Variants in MAP3K4 observed in about 807,000 individuals in gnomAD.
MAP3K4 encodes mitogen-activated protein kinase kinase kinase 4.
MAP3K4 carries 67 observed loss-of-function variants against 185.6 expected under a neutral mutation model. The observed-to-expected ratio is 0.36, with a 90% CI of 0.30 to 0.44. The LOEUF (loss-of-function observed/expected upper bound fraction) is 0.44. Among genes scored for constraint, MAP3K4 ranks in the 20% least tolerant of loss-of-function variants. MAP3K4 has a pLI of 1.00. For missense variants in MAP3K4, 1,551 were observed against 1,995.1 expected (o/e 0.78, Z 4.24); for synonymous variants, 702 against 710.4 (o/e 0.99, Z 0.19).
At chr6:161,003,043 CAT>C (rs1781402251) in intron 1 of MAP3K4, among the ~76,000 whole-genome samples, 1 of 151,516 alleles carries the variant, frequency 6.6e-6, no homozygotes, top group Admixed American at 6.6e-5. Context: ...CATGATATAA[CAT>C]ATGGTTTGTG....
chr6:161,072,307 A>G (rs1420783644), intron 4 of MAP3K4, among the ~76,000 whole-genome samples: 2 of 152,230 alleles, frequency 1.3e-5, no homozygotes, highest in African/African-American at 4.8e-5. Context: ...TCAAAATCAA[A>G]AATAATTGTA....
In MAP3K4 at chr6:161,108,687, A is replaced by G. The variant is rs899892537; in HGVS notation, c.4120-56A>G. The G allele has an allele frequency of 8.4e-6, 8 of 953,192 alleles. No homozygotes were observed. The highest frequency in any genetic ancestry group is 1.6e-5 in the African/African-American group (1 of 62,168). 59.0% of individuals were successfully genotyped at this position (953,192 alleles called of 1,614,324 possible). On this transcript the variant is annotated intron_variant, in intron 21 of 26. Coordinates refer to ENST00000392142, the MANE Select transcript of MAP3K4 (RefSeq NM_005922.4). This position sits in a 1 kb window ranked among gnomAD's most constrained non-coding sequence, Gnocchi z 5.7. ...CAAAATGATGTTTCAGTGTATGTGT[A>G]TAATGTAGAGTGATTAAATCAAGCC... is the stretch of plus-strand genomic sequence containing the variant.
At chr6:161,065,394 A>T (rs1378662862) in intron 3 of MAP3K4, among the ~76,000 whole-genome samples, 1 of 152,212 alleles carries the variant, frequency 6.6e-6, no homozygotes, top group African/African-American at 2.4e-5. Context: ...GATAACAGAT[A>T]TGTGTTCCTG....
intron 3 of MAP3K4, among the ~76,000 whole-genome samples, chr6:161,062,354 T>TC (rs1784520693): frequency 6.6e-6 from 1 of 152,192 alleles, no homozygotes; most frequent in South Asian, 2.1e-4. Flanking sequence ...CAGTACTTTC[T>TC]CCCCCATAGC....
intron 10 of MAP3K4, among the ~76,000 whole-genome samples, 176 bp from the exon 11 acceptor site, chr6:161,089,146 T>C (rs1020079415): frequency 1.3e-5 from 2 of 152,196 alleles, no homozygotes; most frequent in African/African-American, 4.8e-5. Flanking sequence ...CAGCTGTCAA[T>C]GCCCACTGAA....
At position 161,080,604 on chromosome 6, in the gene MAP3K4, C is replaced by G; in HGVS notation, c.2098-277C>G. ...GGTACTGTTCTTTTGATTTTTTCCC[C>G]TTTATTGTAGATTGTGAACATTTTT... On this transcript the variant is annotated intron_variant, in intron 5 of 26. Transcript: ENST00000392142. This position sits in a 1 kb window ranked among gnomAD's most constrained non-coding sequence, Gnocchi z 4.8. 1 of 374,996 alleles carries G rather than the reference C, an allele frequency of 2.7e-6. No individual in the cohort carries two copies. The highest frequency in any genetic ancestry group is 4.9e-6 in the Non-Finnish European group (1 of 203,518). The allele number at this position is 374,996 out of a possible 1,614,324, so 23.2% of individuals were successfully genotyped here. A position where few individuals can be genotyped will look rare whatever the true frequency, so the allele number is the denominator to read the frequency against.
In MAP3K4 at chr6:161,086,692, G is replaced by T; in HGVS notation, c.2556+25G>T. The T allele has an allele frequency of 6.4e-7, 1 of 1,574,154 alleles. No individual in the cohort carries two copies. The highest frequency in any genetic ancestry group is 1.2e-5 in the South Asian group (1 of 86,660). ...GGTAAGTACTTCAAATGTTGTGATT[G>T]AAACATTTTGCCTTTCCTTCTTTAT... On this transcript the variant is annotated intron_variant, in intron 9 of 26. Transcript: ENST00000392142. The surrounding 1 kb of genome is among the most constrained non-coding windows in gnomAD (Gnocchi z 4.8).
intron 1 of MAP3K4, among the ~76,000 whole-genome samples, chr6:161,027,248 T>G (rs189211790): frequency 1.3e-5 from 2 of 152,336 alleles, no homozygotes; most frequent in African/African-American, 4.8e-5. Context: ...CCAATTGAAC[T>G]ATATACTTAA....
rs764946166 is a variant in MAP3K4, at chr6:161,108,979, A to C, written c.4236+120A>C. ...ACAGTAACTTTGCCTAATTCTCAGGAAATCTCCATGAGTTACATCATTTCT... is the reference window on the plus strand; with the variant it reads ...ACAGTAACTTTGCCTAATTCTCAGGCAATCTCCATGAGTTACATCATTTCT... On this transcript the variant is annotated intron_variant, in intron 22 of 26. Coordinates refer to ENST00000392142, the MANE Select transcript of MAP3K4 (RefSeq NM_005922.4). The surrounding 1 kb of genome is among the most constrained non-coding windows in gnomAD (Gnocchi z 5.7). 2 of 1,608,162 alleles carry C rather than the reference A, an allele frequency of 1.2e-6. No individual in the cohort carries two copies. Among genetic ancestry groups the C allele is most frequent in the Non-Finnish European group, 1.7e-6 (2 of 1,178,834 alleles).
chr6:161,104,739 A>T (rs1777990783), intron 19 of MAP3K4, among the ~76,000 whole-genome samples: 1 of 150,864 alleles, frequency 6.6e-6, no homozygotes, highest in Admixed American at 6.6e-5. Flanking sequence ...ATCTTGAGAA[A>T]TTTTTTTTTA....
In MAP3K4 at chr6:161,098,640, G is replaced by A. The variant is rs1370404654; in HGVS notation, c.3674+213G>A. ...ACTGTCTGATGTCAGTATTTCTTTG[G>A]AGCTGATATTAGCCAAAATGACTAA... On this transcript the variant is annotated intron_variant, in intron 17 of 26. Transcript: ENST00000392142. The surrounding 1 kb of genome is among the most constrained non-coding windows in gnomAD (Gnocchi z 4.4). Among the ~76,000 whole-genome samples, 1 of 152,160 alleles carries A rather than the reference G, an allele frequency of 6.6e-6. No individual in the cohort carries two copies. The highest frequency in any genetic ancestry group is 6.5e-5 in the Admixed American group (1 of 15,280).
At chr6:160,999,882 A>G (rs1205412537) in intron 1 of MAP3K4, among the ~76,000 whole-genome samples, 2 of 152,250 alleles carry the variant, frequency 1.3e-5, no homozygotes, top group African/African-American at 4.8e-5. Flanking sequence ...AATAGAAAAT[A>G]TGAAATCCTC....
chr6:161,048,810 C>G lies in MAP3K4; in HGVS notation c.538C>G (p.Pro180Ala), dbSNP rs762126398. The G allele has an allele frequency of 4.3e-6, 7 of 1,614,002 alleles. No individual in the cohort carries two copies. In the East Asian group the frequency reaches 1.6e-4, roughly 36 times the overall value. Residue 180 changes from proline to alanine, a missense_variant, in exon 3 of 27, where the codon CCA becomes GCA. Physicochemically the swap from Pro to Ala is conservative, Grantham distance 27. Transcript: ENST00000392142. This position sits in a 1 kb window ranked among gnomAD's most constrained non-coding sequence, Gnocchi z 4.7. ...VGGSLPKKSI[P>A]DVDLNKPYLS... ...TGGATCTTTGCCAAAAAAATCAATT[C>G]CAGATGTGGATCTCAATAAGCCTTA...
chr6:161,064,041 A>G lies in MAP3K4; in HGVS notation c.1708-6567A>G, dbSNP rs1211666295. Among the ~76,000 whole-genome samples the G allele has an allele frequency of 6.6e-6, 1 of 152,016 alleles. No individual in the cohort carries two copies. Among genetic ancestry groups the G allele is most frequent in the Non-Finnish European group, 1.5e-5 (1 of 68,004 alleles). On this transcript the variant is annotated intron_variant, in intron 3 of 26. Transcript: ENST00000392142. This position sits in a 1 kb window ranked among gnomAD's most constrained non-coding sequence, Gnocchi z 4.3. Reference sequence around the variant, plus strand: ...TTGGTTTTGCTGTCCTCATTGCTCCATTTTTATGAGAGGGCGTTGAAGGGA... The same window carrying G: ...TTGGTTTTGCTGTCCTCATTGCTCCGTTTTTATGAGAGGGCGTTGAAGGGA...
At chr6:161,044,585 A>G (rs190595029) in intron 2 of MAP3K4, among the ~76,000 whole-genome samples, 1 of 152,334 alleles carries the variant, frequency 6.6e-6, no homozygotes, top group Admixed American at 6.5e-5. Context: ...TTATGATTTT[A>G]TAGAGGCCTA....
intron 1 of MAP3K4, among the ~76,000 whole-genome samples, chr6:161,018,559 A>G (rs1782221691): frequency 6.6e-6 from 1 of 152,192 alleles, no homozygotes; most frequent in South Asian, 2.1e-4. Context: ...AAAGGATAAA[A>G]AGGAATTTGA....
At chr6:160,992,170 C>T in intron 1 of MAP3K4, 87 bp downstream of exon 1, 1 of 1,410,538 alleles carries the variant, frequency 7.1e-7, no homozygotes, top group Non-Finnish European at 9.2e-7. Flanking sequence ...CCTCTGCTTC[C>T]CGCCAGGTGG....
At position 161,012,051 on chromosome 6, in the gene MAP3K4, G is replaced by A. The variant is rs62438075; in HGVS notation, c.152+19968G>A. 7.3e-3 allele frequency among the ~76,000 whole-genome samples: 1,111 copies of A among 152,254 alleles called. 8 individuals carry two copies. The highest frequency in any genetic ancestry group is 9.1e-3 in the Non-Finnish European group (619 of 68,022). On this transcript the variant is annotated intron_variant, in intron 1 of 26. Transcript: ENST00000392142. The stretch of plus-strand genomic sequence containing the variant: ...CCACCCTCAGATTTAGCTGAAATTA[G>A]GGTGGCCACGCATTTCGAGTCCACA...
At chr6:161,009,273 C>T (rs758771060) in intron 1 of MAP3K4, among the ~76,000 whole-genome samples, 18 of 152,122 alleles carry the variant, frequency 1.2e-4, no homozygotes, top group African/African-American at 2.4e-4. Context: ...TGTGAGTCAC[C>T]GTGGCCGCCT....
Sources: gnomAD v4.1 joint callset for allele counts (sites outside exome capture counted in the v4.1 genomes callset) on GRCh38, gnomAD v4.1.1 for gene constraint, Gnocchi (gnomAD v3.1) non-coding constraint, MANE v1.5 for transcripts, NCBI Gene and HGNC (gene_info 2026-07-23, HGNC 2026-07-21) for gene names.